TPH2: variants seen among roughly 807,000 people sequenced by gnomAD.
The protein encoded by TPH2 is tryptophan 5-hydroxylase 2.
A neutral mutation model predicts 59.1 loss-of-function variants in TPH2; 27 were observed. The ratio of observed to expected loss-of-function variants is 0.46; its 90% CI spans 0.34 to 0.63. The LOEUF is 0.63. TPH2 is among the 30% of genes least tolerant of loss of function. The probability of loss-of-function intolerance (pLI) is 0.01; values close to 1 mark genes in which losing one functional copy is unlikely to be tolerated. For missense variants in TPH2, 523 were observed against 588.3 expected (o/e 0.89, Z 1.15); for synonymous variants, 220 against 210.5 (o/e 1.05, Z -0.39).
At chr12:71,945,499 C>A (rs1285930575) in intron 4 of TPH2, among the ~76,000 whole-genome samples, 1 of 152,020 alleles carries the variant, frequency 6.6e-6, no homozygotes, top group Non-Finnish European at 1.5e-5. Context: ...AGATCACTAA[C>A]GCTTACAGGG....
chr12:71,986,467 T>G (rs1234016148), intron 7 of TPH2, among the ~76,000 whole-genome samples: 1 of 152,168 alleles, frequency 6.6e-6, no homozygotes, highest in African/African-American at 2.4e-5. Flanking sequence ...GCTTAAGCAT[T>G]CTAACAATAT....
intron 8 of TPH2, among the ~76,000 whole-genome samples, chr12:72,006,344 T>A (rs894233582): frequency 6.6e-6 from 1 of 152,114 alleles, no homozygotes; most frequent in Non-Finnish European, 1.5e-5. Flanking sequence ...GTTCAACTCC[T>A]GATACAACAA....
intron 8 of TPH2, among the ~76,000 whole-genome samples, chr12:71,994,826 G>A (rs560261889): frequency 3.9e-5 from 6 of 152,192 alleles, no homozygotes; most frequent in South Asian, 2.1e-4. Flanking sequence ...TTTGTGGGTC[G>A]TAAGGACTCT....
At chr12:71,949,504 A>G in intron 4 of TPH2, 84 bp from the exon 5 acceptor site, 1 of 1,130,748 alleles carries the variant, frequency 8.8e-7, no homozygotes, top group Non-Finnish European at 1.3e-6. Context: ...TTGAACACTC[A>G]GACACCACAG....
At chr12:71,984,913 A>G (rs1358937232) in intron 7 of TPH2, among the ~76,000 whole-genome samples, 1 of 152,200 alleles carries the variant, frequency 6.6e-6, no homozygotes, top group Non-Finnish European at 1.5e-5. Flanking sequence ...TAGAGGCCCC[A>G]AGACCTGAAA....
intron 5 of TPH2, among the ~76,000 whole-genome samples, chr12:71,953,567 G>T (rs1373199337): frequency 6.6e-6 from 1 of 152,102 alleles, no homozygotes; most frequent in Non-Finnish European, 1.5e-5. Context: ...TATTTTTCTA[G>T]TGCTGATGGT....
intron 7 of TPH2, among the ~76,000 whole-genome samples, chr12:71,992,893 C>G (rs1348749231): frequency 3.3e-5 from 5 of 152,072 alleles, no homozygotes; most frequent in Non-Finnish European, 7.4e-5. Context: ...TTTAAATGCC[C>G]CTATACCCTA....
chr12:72,023,816 T>TA, intron 9 of TPH2, among the ~76,000 whole-genome samples: 1 of 28,578 alleles, frequency 3.5e-5, no homozygotes, highest in Non-Finnish European at 9.9e-5. Flanking sequence ...GAGGAGACTC[T>TA]GACAGAAAAA....
chr12:71,948,569 C>T (rs1256429879), intron 4 of TPH2, among the ~76,000 whole-genome samples: 2 of 152,184 alleles, frequency 1.3e-5, no homozygotes, highest in Non-Finnish European at 2.9e-5. Flanking sequence ...GCCCATCTTG[C>T]AGAGCTGTCT....
intron 9 of TPH2, among the ~76,000 whole-genome samples, chr12:72,030,084 A>C (rs1034618472): frequency 2.0e-5 from 3 of 152,128 alleles, no homozygotes; most frequent in Admixed American, 2.0e-4. Flanking sequence ...AGGGAGGTTG[A>C]ATGATTGCTG....
At chr12:71,944,146 A>G in intron 2 of TPH2, 148 bp from the exon 3 acceptor site, 1 of 780,652 alleles carries the variant, frequency 1.3e-6, no homozygotes, top group South Asian at 1.7e-5. Flanking sequence ...GGTTGGAAAC[A>G]TTTCCAAGTT....
At chr12:72,002,881 T>C (rs1191240462) in intron 8 of TPH2, among the ~76,000 whole-genome samples, 1 of 152,172 alleles carries the variant, frequency 6.6e-6, no homozygotes, top group Non-Finnish European at 1.5e-5. Context: ...TGATTGGGGC[T>C]TTTGGTGGTC....
At position 71,938,883 on chromosome 12, in the gene TPH2, A is replaced by G. The variant is rs1187735704; in HGVS notation, c.-104A>G. 8.2e-6 allele frequency: 8 copies of G among 973,858 alleles called. No individual in the cohort carries two copies. Among genetic ancestry groups the G allele is most frequent in the Non-Finnish European group, 9.9e-6 (6 of 607,538 alleles). The allele number at this position is 973,858 out of a possible 1,614,324, so 60.3% of individuals were successfully genotyped here. ...GCACCAGGGTTCTGGACAGCGCCCC[A>G]AGCAGGCAGCTGATCGCACGCCCCT... On this transcript the variant is annotated 5_prime_UTR_variant, in exon 1 of 11. Transcript: ENST00000333850.
intron 7 of TPH2, among the ~76,000 whole-genome samples, chr12:71,986,341 C>T (rs985050113): frequency 6.6e-6 from 1 of 152,128 alleles, no homozygotes; most frequent in Admixed American, 6.5e-5. Flanking sequence ...AGTTACAAGG[C>T]CACGTTCCTA....
chr12:71,972,224 C>A (rs1380876047), intron 5 of TPH2, among the ~76,000 whole-genome samples: 1 of 152,202 alleles, frequency 6.6e-6, no homozygotes, highest in Non-Finnish European at 1.5e-5. Context: ...TCCTTCCAAC[C>A]CGTAACTATT....
intron 7 of TPH2, among the ~76,000 whole-genome samples, chr12:71,988,536 C>A (rs11179031): frequency 0.043 from 6,493 of 152,186 alleles, 266 homozygotes; most frequent in South Asian, 0.17. Flanking sequence ...CACTTTTAAA[C>A]GACCAGATCT....
Position 71,939,086 on chromosome 12 carries a change from T to C in TPH2, c.100T>C (p.Ser34Pro), listed in dbSNP as rs762868327. The change falls in exon 1 of 11, where the codon TCA becomes CCA. Residue 34 changes from serine (S) to proline (P), a missense_variant. Coordinates refer to ENST00000333850, the MANE Select transcript of TPH2 (RefSeq NM_173353.4). The part of the protein sequence containing the change: ...VPEEHQLLGS[S>P]TLNKPNSGKN... ...CGAAGAGCATCAGCTACTTGGCAGC[T>C]CAACAGTGAGTACTACGTACCTGGC... 7 of 1,613,278 alleles carry C rather than the reference T, an allele frequency of 4.3e-6. No individual in the cohort carries two copies. Among genetic ancestry groups the C allele is most frequent in the Non-Finnish European group, 5.1e-6 (6 of 1,179,390 alleles).
chr12:71,961,924 A>T (rs1300249439), intron 5 of TPH2: 4 of 1,067,898 alleles, frequency 3.7e-6, no homozygotes, highest in Non-Finnish European at 4.6e-6. Context: ...ACGCGAACAA[A>T]ACAAACTAAT....
In TPH2 at chr12:72,031,400, T is replaced by C. The variant is rs761848020; in HGVS notation, c.1298+9T>C. 1 of 1,613,636 alleles carries C rather than the reference T, an allele frequency of 6.2e-7. No individual in the cohort carries two copies. Among genetic ancestry groups the C allele is most frequent in the South Asian group, 1.1e-5 (1 of 91,070 alleles). ...GCCAAAGAAAAGATGAGGTAAACTT[T>C]TTTTTCCTCCTAGCTAGAGAAAATA... is the stretch of plus-strand genomic sequence containing the variant. On this transcript the variant is annotated intron_variant, in intron 10 of 10. Transcript: ENST00000333850.
Sources: gnomAD v4.1 joint callset for allele counts (sites outside exome capture counted in the v4.1 genomes callset) on GRCh38, gnomAD v4.1.1 for gene constraint, MANE v1.5 for transcripts, NCBI Gene and HGNC (gene_info 2026-07-23, HGNC 2026-07-21) for gene names.